TAFA1: variants seen among roughly 807,000 people sequenced by gnomAD.
The protein encoded by TAFA1 is chemokine-like protein TAFA-1.
Under a neutral mutation model 18.5 loss-of-function variants are expected in TAFA1, and 4 were observed. The ratio of observed to expected loss-of-function variants is 0.22; its 90% CI spans 0.11 to 0.49. The LOEUF is 0.49. Among genes scored for constraint, TAFA1 ranks in the 20% least tolerant of loss-of-function variants. The probability of loss-of-function intolerance (pLI) is 0.98; values close to 1 mark genes in which losing one functional copy is unlikely to be tolerated. For synonymous variants in TAFA1, 56 were observed against 55.2 expected (o/e 1.01, Z -0.06); for missense variants, 147 against 169.0 (o/e 0.87, Z 0.72).
intron 2 of TAFA1, among the ~76,000 whole-genome samples, chr3:68,081,451 G>C (rs7625253): frequency 0.87 from 132,133 of 151,292 alleles, 58,366 homozygotes; most frequent in South Asian, 0.95. Context: ...GTTTTATCTA[G>C]TTTTGGTCTT....
At chr3:68,170,402 T>G (rs1488855208) in intron 2 of TAFA1, among the ~76,000 whole-genome samples, 2 of 152,160 alleles carry the variant, frequency 1.3e-5, no homozygotes, top group African/African-American at 4.8e-5. Context: ...CCCAGGGTGT[T>G]TGTCAAAAAT....
chr3:68,336,412 C>T (rs1447400985), intron 2 of TAFA1, among the ~76,000 whole-genome samples: 1 of 152,142 alleles, frequency 6.6e-6, no homozygotes, highest in Admixed American at 6.5e-5. Context: ...AAAAGCTAGG[C>T]TCAAGAATTA....
chr3:68,146,769 T>C (rs2065745901), intron 2 of TAFA1, among the ~76,000 whole-genome samples: 1 of 152,170 alleles, frequency 6.6e-6, no homozygotes, highest in South Asian at 2.1e-4. Context: ...AGGGTAAGCA[T>C]AGGAAATTCT....
chr3:68,108,586 G>C (rs777645438), intron 2 of TAFA1, among the ~76,000 whole-genome samples: 1 of 151,900 alleles, frequency 6.6e-6, no homozygotes, highest in Non-Finnish European at 1.5e-5. Context: ...CTGGGATTAA[G>C]GTTCCTGGAA....
intron 2 of TAFA1, among the ~76,000 whole-genome samples, chr3:68,086,839 T>G (rs577696175): frequency 6.6e-6 from 1 of 152,204 alleles, no homozygotes; most frequent in African/African-American, 2.4e-5. Context: ...AGACTTTAGG[T>G]AGTGTTCTCT....
chr3:68,060,144 G>C (rs2064583684), intron 2 of TAFA1, among the ~76,000 whole-genome samples: 1 of 151,882 alleles, frequency 6.6e-6, no homozygotes. Context: ...ATTTTTCTCT[G>C]ACTTATGTGC....
At chr3:68,164,262 G>A (rs1020212203) in intron 2 of TAFA1, among the ~76,000 whole-genome samples, 9 of 152,082 alleles carry the variant, frequency 5.9e-5, no homozygotes, top group African/African-American at 2.2e-4. Flanking sequence ...GCCTCTGAAT[G>A]GTATTTTTTC....
chr3:68,148,423 G>C (rs1217310450), intron 2 of TAFA1, among the ~76,000 whole-genome samples: 2 of 152,186 alleles, frequency 1.3e-5, no homozygotes, highest in Non-Finnish European at 2.9e-5. Context: ...GTTTGGCTCA[G>C]AAAGTTTATT....
chr3:68,464,230 C>G (rs920036006), intron 3 of TAFA1, among the ~76,000 whole-genome samples: 2 of 152,176 alleles, frequency 1.3e-5, no homozygotes, highest in African/African-American at 4.8e-5. Flanking sequence ...AACCCTGGCT[C>G]TCTTTTAGCT....
chr3:68,008,417 AAAC>A (rs1441900682), intron 2 of TAFA1, among the ~76,000 whole-genome samples: 1 of 152,224 alleles, frequency 6.6e-6, no homozygotes, highest in African/African-American at 2.4e-5. Flanking sequence ...TTCATAATAA[AAAC>A]AACTACTACG....
At chr3:68,376,292 G>T (rs1343957094) in intron 2 of TAFA1, among the ~76,000 whole-genome samples, 1 of 151,286 alleles carries the variant, frequency 6.6e-6, no homozygotes, top group African/African-American at 2.4e-5. Flanking sequence ...TACATATGCA[G>T]GTTTGTTACA....
chr3:68,346,386 G>A lies in TAFA1; in HGVS notation c.119-70894G>A, dbSNP rs577417509. On this transcript the variant is annotated intron_variant, in intron 2 of 4. Coordinates refer to ENST00000478136, the MANE Select transcript of TAFA1 (RefSeq NM_213609.4). The stretch of plus-strand genomic sequence containing the variant: ...TTGCCCAGGCTGGTCTCAAACTCCT[G>A]GGCTCACGCAATCCACCCACCTCAG... Among the ~76,000 whole-genome samples, 3 of 152,080 alleles carry A rather than the reference G, an allele frequency of 2.0e-5. No individual in the cohort carries two copies. In the South Asian group the frequency reaches 6.2e-4, roughly 32 times the overall value.
chr3:68,236,356 G>A (rs146121127), intron 2 of TAFA1, among the ~76,000 whole-genome samples: 1 of 152,170 alleles, frequency 6.6e-6, no homozygotes, highest in Non-Finnish European at 1.5e-5. Flanking sequence ...ATTTCCACAA[G>A]CCAGTGCATT....
intron 2 of TAFA1, among the ~76,000 whole-genome samples, chr3:68,222,444 T>C (rs904644303): frequency 2.6e-5 from 4 of 152,216 alleles, no homozygotes; most frequent in African/African-American, 9.6e-5. Context: ...TTTCTTCATA[T>C]ATCCCCCTCC....
At chr3:67,992,249 A>T in the TAFA1 span, among the ~76,000 whole-genome samples, 4 of 152,204 alleles carry the variant, frequency 2.6e-5, no homozygotes, top group Non-Finnish European at 5.9e-5. Context: ...GATATGCAGC[A>T]TGAGCTATTG....
At chr3:68,168,936 A>C (rs924316727) in intron 2 of TAFA1, among the ~76,000 whole-genome samples, 1 of 152,168 alleles carries the variant, frequency 6.6e-6, no homozygotes, top group Non-Finnish European at 1.5e-5. Flanking sequence ...TCAGCTATCT[A>C]TAGTAGTATT....
intron 2 of TAFA1, among the ~76,000 whole-genome samples, chr3:68,300,766 A>G (rs1054102497): frequency 6.6e-6 from 1 of 152,160 alleles, no homozygotes; most frequent in African/African-American, 2.4e-5. Context: ...TGTTCTTGAG[A>G]TAGTGAGTTC....
At chr3:68,468,188 A>G (rs1179971307) in intron 3 of TAFA1, among the ~76,000 whole-genome samples, 1 of 152,210 alleles carries the variant, frequency 6.6e-6, no homozygotes, top group South Asian at 2.1e-4. Context: ...AAGGATATGC[A>G]TCTAACAAAT....
intron 2 of TAFA1, among the ~76,000 whole-genome samples, chr3:68,178,487 A>T (rs1307182367): frequency 3.9e-5 from 6 of 152,220 alleles, no homozygotes; most frequent in Admixed American, 3.9e-4. Context: ...ATGGAAATTA[A>T]TAATGGAGAG....
Sources: allele counts gnomAD v4.1 joint callset (sites outside exome capture counted in the v4.1 genomes callset), GRCh38; gene constraint gnomAD v4.1.1; transcripts MANE v1.5; gene names NCBI Gene and HGNC (gene_info 2026-07-23, HGNC 2026-07-21).